RGS9: variants seen among roughly 807,000 people sequenced by gnomAD.
RGS9 encodes the protein regulator of G protein signaling 9, also known as regulator of G-protein signalling 9.
In RGS9, 78 loss-of-function variants were observed where a neutral mutation model predicts 102.0. The observed-to-expected ratio is 0.76, with a 90% CI of 0.64 to 0.92. The LOEUF (loss-of-function observed/expected upper bound fraction) is 0.92, where lower values mean the gene tolerates loss of function less well. RGS9 is among the 40% of genes least tolerant of loss of function. The pLI is 0.00. For synonymous variants in RGS9, 353 were observed against 318.6 expected (o/e 1.11, Z -1.15); for missense variants, 833 against 866.1 (o/e 0.96, Z 0.48).
intron 7 of RGS9, 38 bp from the exon 8 acceptor site, chr17:65,168,162 A>T: frequency 6.9e-7 from 1 of 1,445,756 alleles, no homozygotes; most frequent in Non-Finnish European, 9.6e-7. Context: ...AAAGACACAA[A>T]GTCTTCCTGG....
intron 14 of RGS9, 76 bp from the exon 15 acceptor site, chr17:65,204,087 C>T (rs1200496236): frequency 1.9e-6 from 3 of 1,564,614 alleles, no homozygotes; most frequent in East Asian, 2.2e-5. Context: ...TCAGTCCTTC[C>T]CTCCCAAGCA....
intron 3 of RGS9, among the ~76,000 whole-genome samples, chr17:65,159,755 G>A (rs767321047): frequency 1.3e-5 from 2 of 152,216 alleles, no homozygotes; most frequent in Non-Finnish European, 2.9e-5. Flanking sequence ...GGAAGGGTCT[G>A]GACCCGAGAT....
rs559623839 is a variant in RGS9 at position 65,202,555 on chromosome 17, C to T, written c.1064+475C>T. 1.2e-4 allele frequency among the ~76,000 whole-genome samples: 18 copies of T among 152,096 alleles called. No homozygotes were observed. The South Asian group carries it at 3.7e-3, about 32-fold the overall frequency. Reference sequence around the variant, plus strand: ...TGAGGAACACAGGGGAAGGGAGCTCCTCCCACATGTCTGGGACAGTGAGCG... The same window carrying T: ...TGAGGAACACAGGGGAAGGGAGCTCTTCCCACATGTCTGGGACAGTGAGCG... On this transcript the variant is annotated intron_variant, in intron 14 of 18. Coordinates refer to ENST00000262406, the MANE Select transcript of RGS9 (RefSeq NM_003835.4).
At chr17:65,194,165 C>T (rs758518089) in intron 12 of RGS9, among the ~76,000 whole-genome samples, 8 of 152,170 alleles carry the variant, frequency 5.3e-5, no homozygotes, top group South Asian at 4.1e-4. Flanking sequence ...GGGTCTTTTG[C>T]GACGAGCTTT....
At chr17:65,175,172 T>C (rs990338417) in intron 8 of RGS9, among the ~76,000 whole-genome samples, 3 of 151,860 alleles carry the variant, frequency 2.0e-5, no homozygotes, top group Admixed American at 6.6e-5. Flanking sequence ...TGTAGGTGTG[T>C]GCATGTATGT....
intron 17 of RGS9, among the ~76,000 whole-genome samples, chr17:65,214,519 A>T (rs1256639589): frequency 2.0e-5 from 3 of 152,120 alleles, no homozygotes; most frequent in Non-Finnish European, 4.4e-5. Context: ...AGGTTTTTGG[A>T]GGAGGCGTGC....
chr17:65,223,853 T>A (rs1905484010), intron 17 of RGS9, among the ~76,000 whole-genome samples: 1 of 151,554 alleles, frequency 6.6e-6, no homozygotes, highest in Non-Finnish European at 1.5e-5. Flanking sequence ...CGGGTTCAAG[T>A]GATCCTCCTG....
intron 16 of RGS9, 84 bp downstream of exon 16, chr17:65,208,091 A>G (rs2292592): frequency 0.071 from 65,000 of 915,430 alleles, 7,089 homozygotes; most frequent in Admixed American, 0.32. Flanking sequence ...AATGGCTATT[A>G]TGGAGATATT....
intron 1 of RGS9, among the ~76,000 whole-genome samples, chr17:65,148,147 C>T (rs747782875): frequency 2.0e-5 from 3 of 152,212 alleles, no homozygotes; most frequent in Non-Finnish European, 4.4e-5. Context: ...CTAGGTACTT[C>T]ATGTAAGTGG....
At chr17:65,203,866 C>T (rs1474323734) in intron 14 of RGS9, among the ~76,000 whole-genome samples, 1 of 152,166 alleles carries the variant, frequency 6.6e-6, no homozygotes, top group Non-Finnish European at 1.5e-5. Context: ...GAGTTCTTCA[C>T]CCTCATGGCC....
intron 17 of RGS9, among the ~76,000 whole-genome samples, chr17:65,219,352 T>G (rs1340261422): frequency 6.6e-6 from 1 of 152,242 alleles, no homozygotes; most frequent in Non-Finnish European, 1.5e-5. Flanking sequence ...CTGCTGCTAT[T>G]GTTCCAGCAG....
chr17:65,138,331 C>A (rs1051963183), intron 1 of RGS9, among the ~76,000 whole-genome samples: 1 of 152,152 alleles, frequency 6.6e-6, no homozygotes, highest in South Asian at 2.1e-4. Flanking sequence ...CTTTGTCCTT[C>A]CTCCCACCCG....
chr17:65,159,006 A>G (rs1030889021), intron 3 of RGS9, among the ~76,000 whole-genome samples: 1 of 152,186 alleles, frequency 6.6e-6, no homozygotes, highest in Admixed American at 6.5e-5. Context: ...TGATATTTAC[A>G]TGGCCTGTTC....
At chr17:65,198,667 C>T (rs887672954) in intron 13 of RGS9, among the ~76,000 whole-genome samples, 3 of 152,220 alleles carry the variant, frequency 2.0e-5, no homozygotes, top group South Asian at 2.1e-4. Flanking sequence ...TTTACCTTTA[C>T]GGGATTCTTT....
chr17:65,194,885 G>A (rs1315243516), intron 12 of RGS9, among the ~76,000 whole-genome samples: 1 of 152,206 alleles, frequency 6.6e-6, no homozygotes, highest in Non-Finnish European at 1.5e-5. Context: ...GGGTAAGCAG[G>A]CCTGGCCTGG....
intron 13 of RGS9, among the ~76,000 whole-genome samples, chr17:65,200,754 A>T (rs9910643): frequency 1.3e-5 from 2 of 151,762 alleles, no homozygotes; most frequent in South Asian, 2.1e-4. Context: ...TTATAGGTGG[A>T]TTTTTTTTTC....
intron 9 of RGS9, 66 bp from the exon 10 acceptor site, chr17:65,189,220 A>G (rs1912259035): frequency 7.4e-7 from 1 of 1,357,050 alleles, no homozygotes; most frequent in African/African-American, 1.4e-5. Flanking sequence ...TTATTTTTCA[A>G]ATGGGTGTTT....
rs755416869 is a variant in RGS9 at position 65,225,277 on chromosome 17, C to G, written c.1683C>G (p.Leu561=). ...PSVTESSEAS[L]DTSWPRSRPR... ...TCACCGAGAGCAGCGAGGCCTCCCT[C>G]GACACCTCCTGGCCTCGCAGCCGGC... is the stretch of plus-strand genomic sequence containing the variant. Residue 561 remains leucine (L), a synonymous_variant, in exon 18 of 19, where the codon CTC becomes CTG. Transcript: ENST00000262406. The G allele has an allele frequency of 1.9e-6, 3 of 1,608,868 alleles. No individual in the cohort carries two copies. The East Asian group carries it at 6.7e-5, about 36-fold the overall frequency.
At chr17:65,209,588 C>T (rs1913209100) in intron 16 of RGS9, among the ~76,000 whole-genome samples, 2 of 152,204 alleles carry the variant, frequency 1.3e-5, no homozygotes, top group Non-Finnish European at 2.9e-5. Flanking sequence ...AAGGCCATGG[C>T]AGGGAGAGTT....
Sources: allele counts gnomAD v4.1 joint callset (sites outside exome capture counted in the v4.1 genomes callset), GRCh38; gene constraint gnomAD v4.1.1; transcripts MANE v1.5; gene names NCBI Gene and HGNC (gene_info 2026-07-23, HGNC 2026-07-21).